NXPE4: variants seen among roughly 807,000 people sequenced by gnomAD.
NXPE4 encodes NXPE family member 4.
Under a neutral mutation model 33.3 loss-of-function variants are expected in NXPE4, and 42 were observed. That is an observed-to-expected ratio of 1.26 (90% confidence interval 0.98 to 1.63). The LOEUF (loss-of-function observed/expected upper bound fraction) is 1.63, where lower values mean the gene tolerates loss of function less well. Among genes scored for constraint, NXPE4 ranks in the 40% most tolerant of loss-of-function variants. The pLI, the probability that NXPE4 is intolerant of heterozygous loss-of-function variation, is 0.00. For missense variants in NXPE4, 709 were observed against 647.6 expected (o/e 1.09, Z -1.03); for synonymous variants, 253 against 234.9 (o/e 1.08, Z -0.71).
chr11:114,590,709 T>C (rs940915066), intron 2 of NXPE4, among the ~76,000 whole-genome samples: 2 of 152,180 alleles, frequency 1.3e-5, no homozygotes, highest in African/African-American at 4.8e-5. Flanking sequence ...GTGGGCTACC[T>C]GAGTAAGAAA....
chr11:114,635,214 A>C, the NXPE4 span, among the ~76,000 whole-genome samples: 15 of 149,418 alleles, frequency 1.0e-4, no homozygotes, highest in South Asian at 2.2e-4. Flanking sequence ...GTATTTTATT[A>C]TCTTTGAAGC....
At chr11:114,631,207 T>G in the NXPE4 span, among the ~76,000 whole-genome samples, 1 of 151,978 alleles carries the variant, frequency 6.6e-6, no homozygotes, top group Non-Finnish European at 1.5e-5. Flanking sequence ...CATGCTGCTA[T>G]AAAGACACAT....
At chr11:114,654,656 T>C in the NXPE4 span, among the ~76,000 whole-genome samples, 1 of 152,218 alleles carries the variant, frequency 6.6e-6, no homozygotes. Flanking sequence ...ATCTCGTTCC[T>C]TTTTTATGGA....
upstream of NXPE4, among the ~76,000 whole-genome samples, chr11:114,599,346 A>G (rs1017396702): frequency 1.3e-5 from 2 of 152,162 alleles, no homozygotes; most frequent in Non-Finnish European, 2.9e-5. Flanking sequence ...TTTGGTGGCA[A>G]CAATTTAACA....
chr11:114,617,414 A>C, the NXPE4 span, among the ~76,000 whole-genome samples: 1 of 152,172 alleles, frequency 6.6e-6, no homozygotes, highest in Non-Finnish European at 1.5e-5. Flanking sequence ...GTGGGTAACC[A>C]CTGTTACCGG....
chr11:114,604,470 C>A, the NXPE4 span, among the ~76,000 whole-genome samples: 27,038 of 151,748 alleles, frequency 0.18, 2,706 homozygotes, highest in Non-Finnish European at 0.22. Context: ...TTGTGGGTAA[C>A]CACTGTTACC....
chr11:114,602,008 T>C, the NXPE4 span, among the ~76,000 whole-genome samples: 1 of 90,558 alleles, frequency 1.1e-5, no homozygotes, highest in African/African-American at 4.6e-5. Flanking sequence ...TCTAATGTAT[T>C]ATATTATATA....
chr11:114,614,648 T>C, the NXPE4 span, among the ~76,000 whole-genome samples: 1 of 151,292 alleles, frequency 6.6e-6, no homozygotes, highest in African/African-American at 2.4e-5. Context: ...TATTGCCTTG[T>C]GGGTATCCAC....
At chr11:114,611,610 C>A in the NXPE4 span, among the ~76,000 whole-genome samples, 1 of 151,688 alleles carries the variant, frequency 6.6e-6, no homozygotes, top group Non-Finnish European at 1.5e-5. Context: ...ACAATTCTTA[C>A]CCTGTGGAAA....
At chr11:114,618,269 A>G in the NXPE4 span, among the ~76,000 whole-genome samples, 25 of 152,018 alleles carry the variant, frequency 1.6e-4, 4 homozygotes, top group Admixed American at 1.5e-3. Flanking sequence ...TACCCACTGG[A>G]TAATAAGTAT....
the NXPE4 span, among the ~76,000 whole-genome samples, chr11:114,624,234 C>T: frequency 1.3e-5 from 2 of 151,888 alleles, no homozygotes; most frequent in African/African-American, 4.8e-5. Flanking sequence ...GATGTTTCCT[C>T]TAGGGTAATC....
the NXPE4 span, among the ~76,000 whole-genome samples, chr11:114,654,304 A>C: frequency 6.6e-6 from 1 of 151,964 alleles, no homozygotes; most frequent in East Asian, 1.9e-4. Context: ...AAGCTACCGG[A>C]TCTCAGGAAA....
the NXPE4 span, among the ~76,000 whole-genome samples, chr11:114,675,517 TA>T: frequency 1.3e-5 from 2 of 151,672 alleles, no homozygotes; most frequent in Non-Finnish European, 3.0e-5. Context: ...AACAATAAAC[TA>T]TCTGAAAAAG....
At chr11:114,623,165 G>A in the NXPE4 span, among the ~76,000 whole-genome samples, 17 of 151,760 alleles carry the variant, frequency 1.1e-4, no homozygotes, top group South Asian at 8.3e-4. Flanking sequence ...AGTGTTAACC[G>A]GTGGATAATA....
At chr11:114,601,911 T>C in the NXPE4 span, among the ~76,000 whole-genome samples, 13 of 38,974 alleles carry the variant, frequency 3.3e-4, no homozygotes, top group Admixed American at 2.5e-3. Context: ...ATATATTATA[T>C]AATTATATAT....
the NXPE4 span, among the ~76,000 whole-genome samples, chr11:114,668,424 T>C: frequency 6.6e-6 from 1 of 151,738 alleles, no homozygotes; most frequent in South Asian, 2.1e-4. Context: ...TACACAGCAG[T>C]AGATAACTAA....
chr11:114,658,182 C>A, the NXPE4 span, among the ~76,000 whole-genome samples: 2 of 152,168 alleles, frequency 1.3e-5, no homozygotes, highest in Non-Finnish European at 2.9e-5. Flanking sequence ...ACAGGCCAAC[C>A]ATCTAGCTTA....
chr11:114,604,511 A>G, the NXPE4 span, among the ~76,000 whole-genome samples: 1 of 151,906 alleles, frequency 6.6e-6, no homozygotes, highest in Non-Finnish European at 1.5e-5. Context: ...CTCTTGGGTA[A>G]CCACTGTTAC....
At chr11:114,602,767 A>G in the NXPE4 span, among the ~76,000 whole-genome samples, 1 of 145,038 alleles carries the variant, frequency 6.9e-6, no homozygotes, top group African/African-American at 2.5e-5. Flanking sequence ...TATCTCATAT[A>G]TAATTACAGA....
Sources: allele counts gnomAD v4.1 joint callset (sites outside exome capture counted in the v4.1 genomes callset), GRCh38; gene constraint gnomAD v4.1.1; transcripts MANE v1.5; gene names NCBI Gene and HGNC (gene_info 2026-07-23, HGNC 2026-07-21).